The following RTL4 variants were observed in gnomAD, a reference collection of about 807,000 sequenced individuals.
The protein encoded by RTL4 is retrotransposon Gag like 4, also known as retrotransposon Gag-like protein 4.
RTL4 carries 4 observed loss-of-function variants against 5.3 expected under a neutral mutation model. That is an observed-to-expected ratio of 0.75 (90% CI 0.37 to 1.72). RTL4 has a LOEUF of 1.72. RTL4 is among the 40% of genes most tolerant of loss of function. The pLI, the probability that RTL4 is intolerant of heterozygous loss-of-function variation, is 0.04. For missense variants in RTL4, 260 were observed against 227.1 expected, an observed-to-expected ratio of 1.14 and a Z score of -0.93; for synonymous variants, 98 against 87.3, an observed-to-expected ratio of 1.12 and a Z score of -0.68.
the RTL4 span, among the ~76,000 whole-genome samples, chrX:112,433,109 G>C: frequency 9.0e-5 from 10 of 111,234 alleles, no homozygotes; most frequent in Admixed American, 9.6e-5. Flanking sequence ...TTTGGTACCA[G>C]TACCATGCTC....
the RTL4 span, among the ~76,000 whole-genome samples, chrX:112,397,385 T>C: frequency 8.9e-6 from 1 of 111,954 alleles, no homozygotes; most frequent in Non-Finnish European, 1.9e-5. Flanking sequence ...CTAGGCTTTT[T>C]TTCATCCATG....
At chrX:112,432,749 G>A in the RTL4 span, among the ~76,000 whole-genome samples, 1 of 104,120 alleles carries the variant, frequency 9.6e-6, no homozygotes. Flanking sequence ...GATCCCATTT[G>A]TCAATTTTGT....
At chrX:112,299,361 A>G in the RTL4 span, among the ~76,000 whole-genome samples, 58 of 112,691 alleles carry the variant, frequency 5.1e-4, no homozygotes, top group African/African-American at 1.8e-3. Flanking sequence ...TTTGTTATGA[A>G]GTGTCTTTTA....
chrX:112,227,542 T>C, the RTL4 span, among the ~76,000 whole-genome samples: 1 of 111,642 alleles, frequency 9.0e-6, no homozygotes, highest in Admixed American at 9.5e-5. Flanking sequence ...GGTGTGCCAG[T>C]GGATAGCCTA....
the RTL4 span, among the ~76,000 whole-genome samples, chrX:112,153,555 T>C: frequency 2.7e-5 from 3 of 112,078 alleles, no homozygotes; most frequent in Non-Finnish European, 5.7e-5. Context: ...ATTTTGACTA[T>C]GCATCCACGA....
chrX:112,093,526 C>T, the RTL4 span, among the ~76,000 whole-genome samples: 1 of 111,539 alleles, frequency 9.0e-6, no homozygotes, highest in African/African-American at 3.3e-5. Context: ...CTTCCTTCCC[C>T]AAATATTTGT....
the RTL4 span, among the ~76,000 whole-genome samples, chrX:112,305,743 C>T: frequency 4.5e-5 from 5 of 112,050 alleles, no homozygotes; most frequent in Non-Finnish European, 9.4e-5. Flanking sequence ...TATTGTGATT[C>T]GTTGTATAAT....
chrX:112,180,713 C>A, the RTL4 span, among the ~76,000 whole-genome samples: 1 of 111,785 alleles, frequency 8.9e-6, no homozygotes, highest in African/African-American at 3.3e-5. Flanking sequence ...AGAGGAATAC[C>A]TTTTCCCCCC....
chrX:112,446,381 T>G, the RTL4 span, among the ~76,000 whole-genome samples: 1 of 111,966 alleles, frequency 8.9e-6, no homozygotes, highest in Non-Finnish European at 1.9e-5. Context: ...CCAAGGCTAC[T>G]GTTTCTCACT....
chrX:112,429,069 T>C, the RTL4 span, among the ~76,000 whole-genome samples: 1 of 111,819 alleles, frequency 8.9e-6, no homozygotes, highest in Non-Finnish European at 1.9e-5. Flanking sequence ...GTAGACAACA[T>C]ATACTTGGGT....
the RTL4 span, among the ~76,000 whole-genome samples, chrX:112,253,424 C>A: frequency 2.9e-3 from 329 of 112,244 alleles, 2 homozygotes; most frequent in African/African-American, 0.01. Flanking sequence ...AAGTCATCCA[C>A]TCTAGAAAAC....
At chrX:112,332,474 A>G in the RTL4 span, among the ~76,000 whole-genome samples, 7 of 111,106 alleles carry the variant, frequency 6.3e-5, no homozygotes. Context: ...AATGTGGCAT[A>G]TATATGCCAT....
chrX:112,292,985 A>G, the RTL4 span, among the ~76,000 whole-genome samples: 6 of 111,910 alleles, frequency 5.4e-5, no homozygotes, highest in Non-Finnish European at 1.1e-4. Flanking sequence ...TGCTCTTCCT[A>G]CTGTGCTTCT....
the RTL4 span, among the ~76,000 whole-genome samples, chrX:112,205,797 A>G: frequency 8.9e-6 from 1 of 112,084 alleles, no homozygotes; most frequent in East Asian, 2.8e-4. Flanking sequence ...GTGTTAGCGG[A>G]TATATACAGG....
chrX:112,309,953 G>A, the RTL4 span, among the ~76,000 whole-genome samples: 2 of 103,818 alleles, frequency 1.9e-5, no homozygotes, highest in Admixed American at 1.1e-4. Flanking sequence ...TACTTGGGAG[G>A]CTGAGGTGGG....
At chrX:112,132,330 T>G in the RTL4 span, among the ~76,000 whole-genome samples, 2 of 110,854 alleles carry the variant, frequency 1.8e-5, no homozygotes, top group African/African-American at 3.3e-5. Context: ...TATTGCCATA[T>G]CCTCAGTTTT....
the RTL4 span, among the ~76,000 whole-genome samples, chrX:112,417,073 G>A: frequency 9.9e-5 from 11 of 111,508 alleles, no homozygotes; most frequent in African/African-American, 9.8e-5. Flanking sequence ...ATTAGAGACC[G>A]AAAGAGCTTG....
chrX:112,150,169 G>A, the RTL4 span, among the ~76,000 whole-genome samples: 1 of 111,564 alleles, frequency 9.0e-6, no homozygotes, highest in Non-Finnish European at 1.9e-5. Flanking sequence ...GGGAATGCTA[G>A]CCTGTAAACC....
At chrX:112,132,822 A>G in the RTL4 span, among the ~76,000 whole-genome samples, 17 of 112,419 alleles carry the variant, frequency 1.5e-4, no homozygotes, top group African/African-American at 5.5e-4. Context: ...ATTGATTTGC[A>G]CTACAATAAG....
Sources: allele counts gnomAD v4.1 joint callset (sites outside exome capture counted in the v4.1 genomes callset), GRCh38; gene constraint gnomAD v4.1.1; transcripts MANE v1.5; gene names NCBI Gene and HGNC (gene_info 2026-07-23, HGNC 2026-07-21).